Variants in SDK2 observed in about 807,000 individuals in gnomAD.
SDK2 encodes sidekick cell adhesion molecule 2.
In SDK2, 105 loss-of-function variants were observed where a neutral mutation model predicts 253.9. The ratio of observed to expected loss-of-function variants is 0.41; its 90% CI spans 0.35 to 0.49. The LOEUF (loss-of-function observed/expected upper bound fraction) is 0.49. Among genes scored for constraint, SDK2 ranks in the 20% least tolerant of loss-of-function variants. SDK2 has a pLI of 0.06. For missense variants in SDK2, 2,608 were observed against 3,003.0 expected (o/e 0.87, Z 3.07); for synonymous variants, 1,249 against 1,234.9 (o/e 1.01, Z -0.24).
intron 2 of SDK2, among the ~76,000 whole-genome samples, chr17:73,486,012 G>A (rs141697794): frequency 6.6e-6 from 1 of 152,342 alleles, no homozygotes; most frequent in African/African-American, 2.4e-5. Context: ...ATAGACTGGA[G>A]AGAGGTGATG....
At chr17:73,355,176 T>TATATATATATATATATA (rs1568363071) in intron 40 of SDK2, among the ~76,000 whole-genome samples, 6 of 5,786 alleles carry the variant, frequency 1.0e-3, no homozygotes, top group Non-Finnish European at 1.9e-3. Flanking sequence ...ATATATATAT[T>TATATATATATATATATA]TTTTTTTTTT....
chr17:73,517,247 C>A (rs1452579149), intron 1 of SDK2: 3 of 152,128 alleles, frequency 2.0e-5, no homozygotes, highest in Non-Finnish European at 4.4e-5. Flanking sequence ...CTAGGTGATG[C>A]CTGTATTGGG....
chr17:73,513,035 CT>C (rs1352510174), intron 1 of SDK2, among the ~76,000 whole-genome samples: 1 of 151,752 alleles, frequency 6.6e-6, no homozygotes, highest in African/African-American at 2.4e-5. Context: ...TAAAAATATA[CT>C]GTCTTGGCAA....
At chr17:73,423,844 C>G (rs1317884972) in intron 13 of SDK2, 72 bp downstream of exon 13, 10 of 1,308,070 alleles carry the variant, frequency 7.6e-6, no homozygotes, top group Non-Finnish European at 1.0e-5. Context: ...AAAAGGGACT[C>G]GGCTGGCTCT....
chr17:73,484,871 C>A (rs562822670), intron 2 of SDK2, among the ~76,000 whole-genome samples: 1 of 152,312 alleles, frequency 6.6e-6, no homozygotes, highest in East Asian at 1.9e-4. Flanking sequence ...CCAGGCTGAT[C>A]TTGAACTCCT....
At chr17:73,587,163 C>T (rs1380264979) in intron 1 of SDK2, among the ~76,000 whole-genome samples, 1 of 152,210 alleles carries the variant, frequency 6.6e-6, no homozygotes, top group Non-Finnish European at 1.5e-5. Context: ...AACTCAAATT[C>T]CATGCCCTTG....
At position 73,618,373 on chromosome 17, in the gene SDK2, T is replaced by G. The variant is rs561210969; in HGVS notation, c.64+25652A>C. On this transcript the variant is annotated intron_variant, in intron 1 of 44. Transcript: ENST00000392650. This position sits in a 1 kb window ranked among gnomAD's most constrained non-coding sequence, Gnocchi z 4.1. ...CTCGCTGTGCCTGTGGATTCATTTA[T>G]AGTCGTCAAAACAAGATTCTCCAGG... 6.6e-6 allele frequency among the ~76,000 whole-genome samples: 1 copy of G among 152,356 alleles called. No homozygotes were observed. Among genetic ancestry groups the G allele is most frequent in the East Asian group, 1.9e-4 (1 of 5,192 alleles).
At chr17:73,356,194 G>A (rs1368134576) in intron 40 of SDK2, among the ~76,000 whole-genome samples, 3 of 152,206 alleles carry the variant, frequency 2.0e-5, no homozygotes, top group African/African-American at 4.8e-5. Flanking sequence ...ACGCAGTCAG[G>A]TGTTGGACCT....
chr17:73,419,077 G>T, intron 16 of SDK2, 89 bp downstream of exon 16: 1 of 1,448,510 alleles, frequency 6.9e-7, no homozygotes, highest in Non-Finnish European at 9.4e-7. Flanking sequence ...GGCCTGCCAT[G>T]AATTTGCACT....
chr17:73,546,098 C>T (rs542731909), intron 1 of SDK2, among the ~76,000 whole-genome samples: 2 of 148,604 alleles, frequency 1.3e-5, no homozygotes, highest in South Asian at 4.3e-4. Context: ...GGAAGGAGTG[C>T]TGTCGGGGGC....
intron 38 of SDK2, among the ~76,000 whole-genome samples, chr17:73,363,877 C>T (rs1304453013): frequency 6.6e-6 from 1 of 152,100 alleles, no homozygotes; most frequent in Admixed American, 6.6e-5. Flanking sequence ...ACTGGATCTC[C>T]TGCTGGGGCC....
At chr17:73,559,381 G>A (rs1472939959) in intron 1 of SDK2, among the ~76,000 whole-genome samples, 1 of 152,212 alleles carries the variant, frequency 6.6e-6, no homozygotes, top group East Asian at 1.9e-4. Flanking sequence ...CTGTTGGCAA[G>A]AAGCAAGGAG....
At chr17:73,466,825 A>G (rs2063603482) in intron 3 of SDK2, among the ~76,000 whole-genome samples, 1 of 150,100 alleles carries the variant, frequency 6.7e-6, no homozygotes, top group African/African-American at 2.5e-5. Context: ...GGTCACTTTA[A>G]CCTTGTTAAC....
At chr17:73,590,908 T>C (rs1370380979) in intron 1 of SDK2, among the ~76,000 whole-genome samples, 1 of 152,116 alleles carries the variant, frequency 6.6e-6, no homozygotes, top group Non-Finnish European at 1.5e-5. Context: ...TTGAACTATT[T>C]ATTTGTTTAT....
chr17:73,601,869 G>T (rs567021728), intron 1 of SDK2, among the ~76,000 whole-genome samples: 2 of 151,956 alleles, frequency 1.3e-5, no homozygotes, highest in South Asian at 4.2e-4. Flanking sequence ...TCAGGCTCCC[G>T]AGTAGCTGGG....
intron 1 of SDK2, among the ~76,000 whole-genome samples, chr17:73,546,108 C>A (rs1229842024): frequency 8.0e-6 from 1 of 125,662 alleles, no homozygotes; most frequent in African/African-American, 3.0e-5. Context: ...CTGTCGGGGG[C>A]GGGGGGTGAG....
chr17:73,394,422 C>T lies in SDK2; in HGVS notation c.3593-98G>A, dbSNP rs114374323. On this transcript the variant is annotated intron_variant, in intron 25 of 44. Transcript: ENST00000392650. ...CAGGGGGCCGAGGGAGGGGCCAGCT[C>T]GATGTTGCCTCTCTATGGAAGAAAC... The T allele has an allele frequency of 5.2e-4, 322 of 622,222 alleles. 1 individual carries two copies. The African/African-American group carries it at 5.2e-3, about 10-fold the overall frequency. The allele number at this position is 622,222 out of a possible 1,614,324, so 38.5% of individuals were successfully genotyped here.
At chr17:73,508,300 C>T (rs989554209) in intron 1 of SDK2, among the ~76,000 whole-genome samples, 6 of 152,262 alleles carry the variant, frequency 3.9e-5, no homozygotes, top group East Asian at 1.9e-4. Flanking sequence ...CTCCCTGCCC[C>T]GCCACGGTTC....
intron 8 of SDK2, among the ~76,000 whole-genome samples, chr17:73,436,576 CAAAAAAAAAA>C (rs56089526): frequency 1.0e-3 from 39 of 38,842 alleles, no homozygotes; most frequent in African/African-American, 3.6e-3. Context: ...GACTCAGTCT[CAAAAAAAAAA>C]AAAAAAAAAA....
Sources: gnomAD v4.1 joint callset for allele counts (sites outside exome capture counted in the v4.1 genomes callset) on GRCh38, gnomAD v4.1.1 for gene constraint, Gnocchi (gnomAD v3.1) non-coding constraint, MANE v1.5 for transcripts, NCBI Gene and HGNC (gene_info 2026-07-23, HGNC 2026-07-21) for gene names.